Variants in HTR1E observed in about 807,000 individuals in gnomAD.
The protein encoded by HTR1E is 5-hydroxytryptamine receptor 1E, also known as 5-HT-1E.
HTR1E carries 3 observed loss-of-function variants against 3.4 expected under a neutral mutation model. That is an observed-to-expected ratio of 0.89 (90% CI 0.41 to 2.31). The LOEUF (loss-of-function observed/expected upper bound fraction) is 2.31, where lower values mean the gene tolerates loss of function less well. Among genes scored for constraint, HTR1E ranks in the 30% most tolerant of loss-of-function variants. HTR1E has a pLI of 0.05. For synonymous variants in HTR1E, 170 were observed against 182.8 expected (o/e 0.93, Z 0.56); for missense variants, 392 against 467.0 (o/e 0.84, Z 1.48).
intron 1 of HTR1E, among the ~76,000 whole-genome samples, chr6:87,007,622 A>G (rs1768134982): frequency 6.6e-6 from 1 of 152,162 alleles, no homozygotes; most frequent in African/African-American, 2.4e-5. Context: ...TACCCACAAA[A>G]AATTTAAAAT....
At chr6:86,967,913 GT>G (rs1486292015) in intron 1 of HTR1E, among the ~76,000 whole-genome samples, 2 of 152,016 alleles carry the variant, frequency 1.3e-5, no homozygotes, top group African/African-American at 4.8e-5. Context: ...AGAGGGGAGA[GT>G]TTTTTTGGAT....
chr6:87,009,597 G>GC (rs1198238430), intron 1 of HTR1E, among the ~76,000 whole-genome samples: 39 of 147,736 alleles, frequency 2.6e-4, no homozygotes, highest in African/African-American at 8.7e-4. Context: ...AGACGGGGTG[G>GC]TGGCCGGGCA....
At chr6:86,938,163 G>C (rs562971022) in intron 1 of HTR1E, among the ~76,000 whole-genome samples, 38 of 152,320 alleles carry the variant, frequency 2.5e-4, no homozygotes, top group African/African-American at 8.2e-4. Context: ...CGGGTGCTGG[G>C]GGGGGCCAGG....
chr6:86,965,559 T>G (rs1461597082), intron 1 of HTR1E, among the ~76,000 whole-genome samples: 9 of 152,156 alleles, frequency 5.9e-5, no homozygotes, highest in Non-Finnish European at 4.4e-5. Flanking sequence ...TAATGTGCAG[T>G]CAGGGCTGAA....
chr6:87,010,436 C>T (rs1250696383), intron 1 of HTR1E, among the ~76,000 whole-genome samples: 22 of 149,544 alleles, frequency 1.5e-4, no homozygotes, highest in Admixed American at 2.7e-4. Flanking sequence ...CCAGTAGGGG[C>T]GACCGGGCAG....
chr6:87,007,468 CAG>C (rs1768131498), intron 1 of HTR1E, among the ~76,000 whole-genome samples: 1 of 152,070 alleles, frequency 6.6e-6, no homozygotes, highest in South Asian at 2.1e-4. Context: ...TTTAAAATAA[CAG>C]AGTACAATTG....
intron 1 of HTR1E, among the ~76,000 whole-genome samples, chr6:86,947,609 T>C (rs1483491950): frequency 6.6e-6 from 1 of 152,166 alleles, no homozygotes; most frequent in Admixed American, 6.5e-5. Context: ...GCCTTAGTGC[T>C]TTCCCTCTCT....
At chr6:86,972,775 G>T (rs1767578300) in intron 1 of HTR1E, among the ~76,000 whole-genome samples, 2 of 152,246 alleles carry the variant, frequency 1.3e-5, no homozygotes, top group East Asian at 3.9e-4. Flanking sequence ...GGGAACTCTG[G>T]AAGAAAATCT....
intron 1 of HTR1E, among the ~76,000 whole-genome samples, chr6:87,002,802 T>C (rs1369094874): frequency 2.0e-5 from 3 of 152,148 alleles, no homozygotes; most frequent in Non-Finnish European, 2.9e-5. Context: ...GCTTCACCTC[T>C]CAGGAGCACA....
At chr6:86,949,123 T>C (rs1767177111) in intron 1 of HTR1E, among the ~76,000 whole-genome samples, 1 of 152,174 alleles carries the variant, frequency 6.6e-6, no homozygotes, top group Non-Finnish European at 1.5e-5. Flanking sequence ...TCTCAATTGA[T>C]GAAAATGAGT....
At chr6:86,971,480 T>C (rs1477266863) in intron 1 of HTR1E, among the ~76,000 whole-genome samples, 1 of 152,098 alleles carries the variant, frequency 6.6e-6, no homozygotes, top group Admixed American at 6.5e-5. Flanking sequence ...CAATTGCCTC[T>C]GCTAATGAGA....
At chr6:86,951,500 C>A (rs1767239586) in intron 1 of HTR1E, among the ~76,000 whole-genome samples, 1 of 152,136 alleles carries the variant, frequency 6.6e-6, no homozygotes, top group South Asian at 2.1e-4. Context: ...TGCAACTTTT[C>A]TATTTCCTAT....
At chr6:86,993,273 A>G (rs1582275933) in intron 1 of HTR1E, among the ~76,000 whole-genome samples, 1 of 111,550 alleles carries the variant, frequency 9.0e-6, no homozygotes, top group South Asian at 2.6e-4. Flanking sequence ...AAGTTTATTT[A>G]AAAAAAAAAA....
Position 87,015,433 on chromosome 6 carries a change from C to T in HTR1E, c.99C>T (p.Thr33=). ...MLICMTLVVI[T]TLTTLLNLAV... ...TTTGCATGACTCTGGTGGTCATCAC[C>T]ACCCTCACCACGTTGCTGAACTTGG... Residue 33 remains threonine, a synonymous_variant, in exon 2 of 2, where the codon ACC becomes ACT. Transcript: ENST00000305344. 6.2e-7 allele frequency: 1 copy of T among 1,614,072 alleles called. No individual in the cohort carries two copies. The highest frequency in any genetic ancestry group is 2.2e-5 in the East Asian group (1 of 44,874).
At chr6:86,979,999 A>G (rs1582270316) in intron 1 of HTR1E, among the ~76,000 whole-genome samples, 1 of 152,076 alleles carries the variant, frequency 6.6e-6, no homozygotes, top group Admixed American at 6.5e-5. Flanking sequence ...CCATAATCTG[A>G]CCGCCTGCCA....
intron 1 of HTR1E, among the ~76,000 whole-genome samples, chr6:86,946,221 C>T (rs936077446): frequency 6.6e-6 from 1 of 151,960 alleles, no homozygotes; most frequent in African/African-American, 2.4e-5. Flanking sequence ...CACTGACTCA[C>T]CCAGAGCAGC....
chr6:86,997,770 T>C (rs1348662508), intron 1 of HTR1E, among the ~76,000 whole-genome samples: 1 of 151,664 alleles, frequency 6.6e-6, no homozygotes, highest in African/African-American at 2.4e-5. Flanking sequence ...TAAGTGTAAA[T>C]AATGTAAACA....
intron 1 of HTR1E, among the ~76,000 whole-genome samples, chr6:86,958,585 A>G (rs942292267): frequency 6.6e-6 from 1 of 152,188 alleles, no homozygotes; most frequent in African/African-American, 2.4e-5. Context: ...CAGTGTCTAG[A>G]GGAGAATCGA....
intron 1 of HTR1E, among the ~76,000 whole-genome samples, chr6:87,010,641 G>A (rs552031719): frequency 4.1e-5 from 6 of 144,798 alleles, no homozygotes; most frequent in Non-Finnish European, 6.1e-5. Context: ...GCGGCCGGGC[G>A]GAGACGCTCC....
Sources: gnomAD v4.1 joint callset for allele counts (sites outside exome capture counted in the v4.1 genomes callset) on GRCh38, gnomAD v4.1.1 for gene constraint, MANE v1.5 for transcripts, NCBI Gene and HGNC (gene_info 2026-07-23, HGNC 2026-07-21) for gene names.